TUBB2A: variants seen among roughly 807,000 people sequenced by gnomAD.
TUBB2A encodes the protein tubulin beta 2A class IIa, also known as tubulin beta-2A chain.
TUBB2A carries 7 observed loss-of-function variants against 33.9 expected under a neutral mutation model. The ratio of observed to expected loss-of-function variants is 0.21; its 90% confidence interval spans 0.12 to 0.39. TUBB2A has a LOEUF of 0.39. Ranked by LOEUF, TUBB2A falls within the 10% of genes least tolerant of loss-of-function variation. TUBB2A has a pLI of 1.00. For missense variants in TUBB2A, 80 were observed against 593.4 expected (o/e 0.13, Z 8.99); for synonymous variants, 187 against 247.6 (o/e 0.76, Z 2.30).
chr6:3,154,778 GC>G lies in TUBB2A; in HGVS notation c.422del (p.Gly141AlafsTer24). 6.2e-7 allele frequency: 1 copy of G among 1,608,696 alleles called. No individual in the cohort carries two copies. Among genetic ancestry groups the G allele is most frequent in the Non-Finnish European group, 8.5e-7 (1 of 1,176,988 alleles). On this transcript the variant is annotated frameshift_variant, in exon 4 of 4. Coordinates refer to ENST00000333628, the MANE Select transcript of TUBB2A (RefSeq NM_001069.3). LOFTEE classifies it high-confidence loss of function. ...GGGTGCCCATCCCGGACCCCGTGCC[GC>G]CCCCCAGAGAGTGGGTCAGCTGGAA... ...QGFQLTHSLG[G>X]GTGSGMGTLL...
chr6:3,157,349 C>G (rs1479832884), intron 1 of TUBB2A, 58 bp downstream of exon 1: 2 of 1,374,604 alleles, frequency 1.5e-6, no homozygotes, highest in Admixed American at 6.3e-5. Context: ...GCCCCCGCCC[C>G]GGCCCCAGCC....
Position 3,155,766 on chromosome 6 carries a change from T to C in TUBB2A, c.167-31A>G, listed in dbSNP as rs763648440. ...GGAAATAAGAACTGACTCAGGCCTG[T>C]GCTTGGGGAGGGACTCACAGCAGCA... On this transcript the variant is annotated intron_variant, in intron 2 of 3. Coordinates refer to ENST00000333628, the MANE Select transcript of TUBB2A (RefSeq NM_001069.3). This position sits in a 1 kb window ranked among gnomAD's most constrained non-coding sequence, Gnocchi z 4.2. 1.9e-6 allele frequency: 3 copies of C among 1,564,142 alleles called. No individual in the cohort carries two copies. Among genetic ancestry groups the C allele is most frequent in the South Asian group, 2.2e-5 (2 of 89,434 alleles).
chr6:3,155,379 T>G lies in TUBB2A; in HGVS notation c.277+246A>C, dbSNP rs961315388. ...AGCCTATGAAGCCTGGCTTGAAGCT[T>G]TTCCTTGCTCTTTCTTCCTTCCAGT... On this transcript the variant is annotated intron_variant, in intron 3 of 3. Transcript: ENST00000333628. This position sits in a 1 kb window ranked among gnomAD's most constrained non-coding sequence, Gnocchi z 4.2. Among the ~76,000 whole-genome samples, 1 of 152,162 alleles carries G rather than the reference T, an allele frequency of 6.6e-6. No individual in the cohort carries two copies. The highest frequency in any genetic ancestry group is 2.4e-5 in the African/African-American group (1 of 41,436).
chr6:3,155,505 A>C lies in TUBB2A; in HGVS notation c.277+120T>G. 1.4e-6 allele frequency: 1 copy of C among 699,616 alleles called. No homozygotes were observed. The highest frequency in any genetic ancestry group is 2.0e-5 in the South Asian group (1 of 50,736). The allele number at this position is 699,616 out of a possible 1,614,324, so 43.3% of individuals were successfully genotyped here. A position where few individuals can be genotyped will look rare whatever the true frequency, so the allele number is the denominator to read the frequency against. On this transcript the variant is annotated intron_variant, in intron 3 of 3. Transcript: ENST00000333628. The surrounding 1 kb of genome is among the most constrained non-coding windows in gnomAD (Gnocchi z 4.2). ...ATGGACTGCATGGAGCTAGGCCAGG[A>C]CTCAGGGCTGCCGTGGACACAGTGT...
Position 3,153,738 on chromosome 6 carries a change from A to G in TUBB2A, c.*125T>C, listed in dbSNP as rs1436295732. The G allele has an allele frequency of 1.1e-5, 15 of 1,424,604 alleles. No homozygotes were observed. The highest frequency in any genetic ancestry group is 2.1e-5 in the Admixed American group (1 of 46,894). The allele number at this position is 1,424,604 out of a possible 1,614,324, so 88.2% of individuals were successfully genotyped here. On this transcript the variant is annotated 3_prime_UTR_variant, in exon 4 of 4. Transcript: ENST00000333628. ...ACTGTAATTTTTAGAGGAGTTCCAC[A>G]TCATTACATCAACAGTGTGAATTTC...
rs766497660 is a variant in TUBB2A, at chr6:3,154,069, A to T, written c.1132T>A (p.Phe378Ile). 2 of 1,525,434 alleles carry T rather than the reference A, an allele frequency of 1.3e-6. No homozygotes were observed. The highest frequency in any genetic ancestry group is 3.1e-5 in the African/African-American group (2 of 65,390). The allele number at this position is 1,525,434 out of a possible 1,614,324, so 94.5% of individuals were successfully genotyped here. A position where few individuals can be genotyped will look rare whatever the true frequency, so the allele number is the denominator to read the frequency against. Reference protein sequence around the residue: ...IGNSTAIQELFKRISEQFTAM... With the variant: ...IGNSTAIQELIKRISEQFTAM... ...GTGAACTGCTCGGAGATGCGCTTGAACAGCTCCTGGATGGCCGTGCTGTTG... is the reference window on the plus strand; with the variant it reads ...GTGAACTGCTCGGAGATGCGCTTGATCAGCTCCTGGATGGCCGTGCTGTTG... Residue 378 changes from phenylalanine to isoleucine, a missense_variant, in exon 4 of 4, where the codon TTC becomes ATC. Coordinates refer to ENST00000333628, the MANE Select transcript of TUBB2A (RefSeq NM_001069.3).
chr6:3,154,962 A>G, intron 3 of TUBB2A, 39 bp from the exon 4 acceptor site: 1 of 1,613,182 alleles, frequency 6.2e-7, no homozygotes, highest in Non-Finnish European at 8.5e-7. Context: ...CTAAAACATA[A>G]GGAATTTCAA....
At chr6:3,154,975 T>C (rs773080106) in intron 3 of TUBB2A, 52 bp from the exon 4 acceptor site, 1 of 1,610,478 alleles carries the variant, frequency 6.2e-7, no homozygotes, top group Admixed American at 1.7e-5. Context: ...AATTTCAAAA[T>C]CTGTCATTTT....
In TUBB2A at chr6:3,157,536, C is replaced by A; in HGVS notation, c.-73G>T. 7.2e-7 allele frequency: 1 copy of A among 1,385,746 alleles called. No individual in the cohort carries two copies. Among genetic ancestry groups the A allele is most frequent in the Non-Finnish European group, 9.3e-7 (1 of 1,074,526 alleles). The allele number at this position is 1,385,746 out of a possible 1,614,324, so 85.8% of individuals were successfully genotyped here. On this transcript the variant is annotated 5_prime_UTR_variant, in exon 1 of 4. Transcript: ENST00000333628. ...GCGTGGACCGGCGGGCTGGGCTGCG[C>A]AGAGACCTGCCGCCGCCCCCCCAGC...
chr6:3,155,398 T>C lies in TUBB2A; in HGVS notation c.277+227A>G, dbSNP rs141383756. Among the ~76,000 whole-genome samples the C allele has an allele frequency of 6.9e-3, 1,047 of 152,316 alleles. 9 individuals carry two copies. The highest frequency in any genetic ancestry group is 0.024 in the African/African-American group (1,013 of 41,564). On this transcript the variant is annotated intron_variant, in intron 3 of 3. Transcript: ENST00000333628. This position sits in a 1 kb window ranked among gnomAD's most constrained non-coding sequence, Gnocchi z 4.2. Reference sequence around the variant, plus strand: ...GAAGCTTTTCCTTGCTCTTTCTTCCTTCCAGTCTGAGGCTGCTCTGCAATG... The same window carrying C: ...GAAGCTTTTCCTTGCTCTTTCTTCCCTCCAGTCTGAGGCTGCTCTGCAATG...
chr6:3,157,311 G>A (rs748710565), intron 1 of TUBB2A, 96 bp downstream of exon 1: 19 of 1,243,162 alleles, frequency 1.5e-5, no homozygotes, highest in Non-Finnish European at 1.5e-5. Context: ...TGTGCCACCC[G>A]GCCAGCCCGG....
At position 3,157,402 on chromosome 6, in the gene TUBB2A, C is replaced by T; in HGVS notation, c.57+5G>A. 1.3e-6 allele frequency: 2 copies of T among 1,532,444 alleles called. No homozygotes were observed. Among genetic ancestry groups the T allele is most frequent in the Non-Finnish European group, 1.7e-6 (2 of 1,146,130 alleles). 94.9% of individuals were successfully genotyped at this position (1,532,444 alleles called of 1,614,324 possible). On this transcript the variant is annotated splice_donor_5th_base_variant and intron_variant, in intron 1 of 3. Coordinates refer to ENST00000333628, the MANE Select transcript of TUBB2A (RefSeq NM_001069.3). ...CCCCGGGCCCCTCCGTGGCGGTGAG[C>T]CCACCTTGGCGCCGATCTGGTTGCC...
rs116267518 is a variant in TUBB2A, at chr6:3,155,898, A to T, written c.166+146T>A. 10,295 of 1,459,166 alleles carry T rather than the reference A, an allele frequency of 7.1e-3. 352 individuals are homozygous for T. The African/African-American group carries it at 0.08, about 11-fold the overall frequency. 90.4% of individuals were successfully genotyped at this position (1,459,166 alleles called of 1,614,324 possible). On this transcript the variant is annotated intron_variant, in intron 2 of 3. Coordinates refer to ENST00000333628, the MANE Select transcript of TUBB2A (RefSeq NM_001069.3). This position sits in a 1 kb window ranked among gnomAD's most constrained non-coding sequence, Gnocchi z 4.2. ...GTGGCAAACAGGCAGGAATCTTAGG[A>T]AACCATAAAACATGTTTTTCCAGCA... is the stretch of plus-strand genomic sequence containing the variant.
chr6:3,156,432 G>T (rs1762635208), intron 1 of TUBB2A, among the ~76,000 whole-genome samples: 1 of 152,308 alleles, frequency 6.6e-6, no homozygotes, highest in Non-Finnish European at 1.5e-5. Flanking sequence ...TAGGGAGAGG[G>T]TGGGGAGAGT....
Position 3,156,166 on chromosome 6 carries a change from A to G in TUBB2A, c.58-14T>C, listed in dbSNP as rs1762628784. The G allele has an allele frequency of 6.2e-7, 1 of 1,613,618 alleles. No individual in the cohort carries two copies. The highest frequency in any genetic ancestry group is 1.7e-5 in the Admixed American group (1 of 59,986). ...GACCTCCCAAAACTGAAATGAAAAAAGAACCACACCATGGCTCTGCATCCT... is the reference window on the plus strand; with the variant it reads ...GACCTCCCAAAACTGAAATGAAAAAGGAACCACACCATGGCTCTGCATCCT... On this transcript the variant is annotated splice_polypyrimidine_tract_variant and intron_variant, in intron 1 of 3. Transcript: ENST00000333628.
rs1482927674 is a variant in TUBB2A, at chr6:3,156,160, G to C, written c.58-8C>G. 1 of 1,613,192 alleles carries C rather than the reference G, an allele frequency of 6.2e-7. No homozygotes were observed. Among genetic ancestry groups the C allele is most frequent in the Non-Finnish European group, 8.5e-7 (1 of 1,179,560 alleles). On this transcript the variant is annotated splice_polypyrimidine_tract_variant and splice_region_variant and intron_variant, in intron 1 of 3. Coordinates refer to ENST00000333628, the MANE Select transcript of TUBB2A (RefSeq NM_001069.3). ...GCTGATGACCTCCCAAAACTGAAAT[G>C]AAAAAAGAACCACACCATGGCTCTG...
chr6:3,156,292 C>A, intron 1 of TUBB2A, 140 bp from the exon 2 acceptor site: 2 of 1,442,520 alleles, frequency 1.4e-6, no homozygotes, highest in South Asian at 2.8e-5. Flanking sequence ...CAAAGAGCTG[C>A]ACCCCCTATT....
At chr6:3,156,413 A>T (rs1762634921) in intron 1 of TUBB2A, among the ~76,000 whole-genome samples, 1 of 152,312 alleles carries the variant, frequency 6.6e-6, no homozygotes, top group Non-Finnish European at 1.5e-5. Flanking sequence ...GACACAGCAG[A>T]TGCCCTTCTA....
At chr6:3,157,275 C>A (rs908254617) in intron 1 of TUBB2A, 132 bp downstream of exon 1, 20 of 1,088,190 alleles carry the variant, frequency 1.8e-5, no homozygotes, top group Non-Finnish European at 2.3e-5. Flanking sequence ...GCCTCCCGGA[C>A]CCCGCCCGGC....
Sources: gnomAD v4.1 joint callset for allele counts (sites outside exome capture counted in the v4.1 genomes callset) on GRCh38, gnomAD v4.1.1 for gene constraint, Gnocchi (gnomAD v3.1) non-coding constraint, MANE v1.5 for transcripts, NCBI Gene and HGNC (gene_info 2026-07-23, HGNC 2026-07-21) for gene names.